The following IRF2BP2 variants were observed in gnomAD, a reference collection of about 807,000 sequenced individuals.
The protein encoded by IRF2BP2 is interferon regulatory factor 2 binding protein 2.
Under a neutral mutation model 32.7 loss-of-function variants are expected in IRF2BP2, and 13 were observed. The ratio of observed to expected loss-of-function variants is 0.40; its 90% CI spans 0.26 to 0.63. The LOEUF (loss-of-function observed/expected upper bound fraction) is 0.63. IRF2BP2 is among the 30% of genes least tolerant of loss of function. The probability of loss-of-function intolerance (pLI) is 0.42; values close to 1 mark genes in which losing one functional copy is unlikely to be tolerated. For synonymous variants in IRF2BP2, 555 were observed against 384.6 expected (o/e 1.44, Z -5.18); for missense variants, 980 against 830.6 (o/e 1.18, Z -2.21).
chr1:234,609,863 G>C lies in IRF2BP2; in HGVS notation c.-369C>G, dbSNP rs1258403543. On this transcript the variant is annotated 5_prime_UTR_variant, in exon 1 of 2. Transcript: ENST00000366609. Reference sequence around the variant, plus strand: ...ACCGGGGCGAAGACGGGCCGCGCGGGCGCGGGGGAGCGCAGCAGGTCGCGG... The same window carrying C: ...ACCGGGGCGAAGACGGGCCGCGCGGCCGCGGGGGAGCGCAGCAGGTCGCGG... Among the ~76,000 whole-genome samples the C allele has an allele frequency of 7.1e-6, 1 of 140,892 alleles. No homozygotes were observed. Among genetic ancestry groups the C allele is most frequent in the Non-Finnish European group, 1.6e-5 (1 of 63,660 alleles). 92.4% of individuals were successfully genotyped at this position (140,892 alleles called of 152,430 possible).
rs1446016956 is a variant in IRF2BP2 at position 234,609,328 on chromosome 1, G to A, written c.167C>T (p.Ala56Val). 1.3e-6 allele frequency: 2 copies of A among 1,522,728 alleles called. No individual in the cohort carries two copies. The highest frequency in any genetic ancestry group is 1.4e-5 in the African/African-American group (1 of 69,318). 94.3% of individuals were successfully genotyped at this position (1,522,728 alleles called of 1,614,324 possible). Reference protein sequence around the residue: ...ADRVEFVIETARQLKRAHGCF... With the variant: ...ADRVEFVIETVRQLKRAHGCF... ...GCCGTGCGCCCGCTTGAGCTGCCGC[G>A]CCGTCTCGATGACGAACTCGACGCG... is the stretch of plus-strand genomic sequence containing the variant. Residue 56 changes from alanine to valine, a missense_variant, in exon 1 of 2, where the codon GCG becomes GTG. Coordinates refer to ENST00000366609, the MANE Select transcript of IRF2BP2 (RefSeq NM_182972.3).
chr1:234,607,949 G>A, intron 1 of IRF2BP2, 97 bp from the exon 2 acceptor site: 4 of 943,886 alleles, frequency 4.2e-6, no homozygotes, highest in South Asian at 3.5e-5. Flanking sequence ...AGTCGTTACA[G>A]AATTCCTCCT....
At position 234,610,055 on chromosome 1, in the gene IRF2BP2, C is replaced by T. The variant is rs1488509965; in HGVS notation, c.-561G>A. Among the ~76,000 whole-genome samples, 1 of 147,096 alleles carries T rather than the reference C, an allele frequency of 6.8e-6. No individual in the cohort carries two copies. Among genetic ancestry groups the T allele is most frequent in the East Asian group, 2.0e-4 (1 of 5,064 alleles). On this transcript the variant is annotated 5_prime_UTR_variant, in exon 1 of 2. Transcript: ENST00000366609. Reference sequence around the variant, plus strand: ...GCGCGGCGCGGGCCCCGGGTCGCTCCGCCGCTCTCTCACAGCTCCTGGCGT... The same window carrying T: ...GCGCGGCGCGGGCCCCGGGTCGCTCTGCCGCTCTCTCACAGCTCCTGGCGT...
In IRF2BP2 at chr1:234,608,603, A is replaced by C. The variant is rs1672239994; in HGVS notation, c.892T>G (p.Trp298Gly). ...CGCACGGTCTTGGGCCTGTTGACCCAGTCCTGCTCTCCAGACCCGCGGCTC... is the reference window on the plus strand; with the variant it reads ...CGCACGGTCTTGGGCCTGTTGACCCCGTCCTGCTCTCCAGACCCGCGGCTC... The part of the protein sequence containing the change: ...GKSRGSGEQD[W>G]VNRPKTVRDT... Residue 298 changes from tryptophan to glycine, a missense_variant, in exon 1 of 2, where the codon TGG becomes GGG. By Grantham distance (184) the Trp-to-Gly change is radical (BLOSUM62 -2). Transcript: ENST00000366609. The C allele has an allele frequency of 6.3e-7, 1 of 1,592,800 alleles. No individual in the cohort carries two copies. The highest frequency in any genetic ancestry group is 1.7e-5 in the Admixed American group (1 of 58,148).
chr1:234,607,440 T>A lies in IRF2BP2; in HGVS notation c.1461A>T (p.Pro487=). Reference sequence around the variant, plus strand: ...AGTCCGGGAGGCTGGCAGGGTGCACTGGCTCCAGTCCTCCTGTGTTGCCTG... The same window carrying A: ...AGTCCGGGAGGCTGGCAGGGTGCACAGGCTCCAGTCCTCCTGTGTTGCCTG... ...QGAGNTGGLE[P]VHPASLPDSS... Residue 487 remains proline (P), a synonymous_variant, in exon 2 of 2, where the codon CCA becomes CCT. Transcript: ENST00000366609. 6.2e-7 allele frequency: 1 copy of A among 1,614,116 alleles called. No homozygotes were observed. Among genetic ancestry groups the A allele is most frequent in the Non-Finnish European group, 8.5e-7 (1 of 1,179,968 alleles).
At chr1:234,607,876 G>T (rs775330129) in intron 1 of IRF2BP2, 24 bp from the exon 2 acceptor site, 1 of 1,512,380 alleles carries the variant, frequency 6.6e-7, no homozygotes, top group Admixed American at 2.2e-5. Context: ...GAAATAAAAG[G>T]AAAAAGGTAA....
In IRF2BP2 at chr1:234,608,771, A is replaced by G. The variant is rs1292572073; in HGVS notation, c.724T>C (p.Ser242Pro). The change falls in exon 1 of 2, where the codon TCG (serine) becomes CCG (proline). Residue 242 changes from serine to proline, a missense_variant. Transcript: ENST00000366609. ...TCGTGCTCCACGGCAGCGCTGCTCG[A>G]CACGGATGCCGGCCGCTTGTGGGCG... ...LGAHKRPASV[S>P]SSAAVEHEQR... 3.4e-6 allele frequency: 5 copies of G among 1,459,698 alleles called. No homozygotes were observed. The East Asian group carries it at 1.2e-4, about 35-fold the overall frequency. 90.4% of individuals were successfully genotyped at this position (1,459,698 alleles called of 1,614,324 possible).
rs1344065498 is a variant in IRF2BP2, at chr1:234,608,433, A to G, written c.1048+14T>C. ...TTTCTCCCCTAGACCCCCTCACTTC[A>G]CAGCCGCCCCTACCTGCTTTAGACC... On this transcript the variant is annotated intron_variant, in intron 1 of 1. Coordinates refer to ENST00000366609, the MANE Select transcript of IRF2BP2 (RefSeq NM_182972.3). 2 of 1,494,496 alleles carry G rather than the reference A, an allele frequency of 1.3e-6. No individual in the cohort carries two copies. Among genetic ancestry groups the G allele is most frequent in the South Asian group, 1.3e-5 (1 of 75,440 alleles). The allele number at this position is 1,494,496 out of a possible 1,614,324, so 92.6% of individuals were successfully genotyped here.
In IRF2BP2 at chr1:234,607,501, C is replaced by T; in HGVS notation, c.1400G>A (p.Arg467Lys). ...SPPSPSSMNQ[R>K]RLGPREVGGQ... ...CCCCACCTCTCTGGGGCCCAGCCTT[C>T]TTTGGTTCATAGAGGACGGAGAGGG... Residue 467 changes from arginine to lysine, a missense_variant, in exon 2 of 2, where the codon AGA becomes AAA. By Grantham distance (26) the Arg-to-Lys change is conservative. Coordinates refer to ENST00000366609, the MANE Select transcript of IRF2BP2 (RefSeq NM_182972.3). 2 of 1,614,158 alleles carry T rather than the reference C, an allele frequency of 1.2e-6. No homozygotes were observed. The highest frequency in any genetic ancestry group is 4.5e-5 in the East Asian group (2 of 44,886).
chr1:234,608,423 C>G, intron 1 of IRF2BP2, 24 bp downstream of exon 1: 5 of 1,466,896 alleles, frequency 3.4e-6, no homozygotes, highest in Non-Finnish European at 4.5e-6. Flanking sequence ...CCCCTAGACC[C>G]CCTCACTTCA....
rs763550403 is a variant in IRF2BP2 at position 234,608,617 on chromosome 1, G to A, written c.878C>T (p.Ser293Phe). Residue 293 changes from serine to phenylalanine, a missense_variant, in exon 1 of 2, where the codon TCT (serine) becomes TTT (phenylalanine). Ser to Phe is a radical substitution (Grantham distance 155). Transcript: ENST00000366609. ...SAEGAGKSRG[S>F]GEQDWVNRPK... ...CCTGTTGACCCAGTCCTGCTCTCCA[G>A]ACCCGCGGCTCTTGCCCGCACCTTC... 1.3e-6 allele frequency: 2 copies of A among 1,579,174 alleles called. No individual in the cohort carries two copies. The highest frequency in any genetic ancestry group is 1.7e-6 in the Non-Finnish European group (2 of 1,165,374).
chr1:234,607,749 T>G lies in IRF2BP2; in HGVS notation c.1152A>C (p.Thr384=). ...GEAQPWLSTS[T]EGLKIPMTPT... is the part of the protein sequence containing the mutation. Reference sequence around the variant, plus strand: ...GAGTCATGGGGATCTTGAGCCCCTCTGTGGATGTGGACAGCCACGGCTGGG... The same window carrying G: ...GAGTCATGGGGATCTTGAGCCCCTCGGTGGATGTGGACAGCCACGGCTGGG... The change falls in exon 2 of 2, where the codon ACA becomes ACC. Residue 384 remains threonine, a synonymous_variant. Coordinates refer to ENST00000366609, the MANE Select transcript of IRF2BP2 (RefSeq NM_182972.3). 6.2e-7 allele frequency: 1 copy of G among 1,614,130 alleles called. No homozygotes were observed. The highest frequency in any genetic ancestry group is 8.5e-7 in the Non-Finnish European group (1 of 1,180,010).
chr1:234,609,547 C>G lies in IRF2BP2; in HGVS notation c.-53G>C, dbSNP rs1672284382. 9.0e-7 allele frequency: 1 copy of G among 1,109,982 alleles called. No individual in the cohort carries two copies. The highest frequency in any genetic ancestry group is 1.2e-6 in the Non-Finnish European group (1 of 842,824). The allele number at this position is 1,109,982 out of a possible 1,614,324, so 68.8% of individuals were successfully genotyped here. A position where few individuals can be genotyped will look rare whatever the true frequency, so the allele number is the denominator to read the frequency against. ...GGAGGCGGAGGAGGAGGAGGGGGCG[C>G]CGCCGCCGCCCCCCACCGGCACCAC... On this transcript the variant is annotated 5_prime_UTR_variant, in exon 1 of 2. Coordinates refer to ENST00000366609, the MANE Select transcript of IRF2BP2 (RefSeq NM_182972.3).
chr1:234,608,775 G>C lies in IRF2BP2; in HGVS notation c.720C>G (p.Ser240=). ...TDLGAHKRPA[S]VSSSAAVEHE... Reference sequence around the variant, plus strand: ...GCTCCACGGCAGCGCTGCTCGACACGGATGCCGGCCGCTTGTGGGCGCCCA... The same window carrying C: ...GCTCCACGGCAGCGCTGCTCGACACCGATGCCGGCCGCTTGTGGGCGCCCA... The change falls in exon 1 of 2, where the codon TCC becomes TCG. Residue 240 remains serine, a synonymous_variant. Coordinates refer to ENST00000366609, the MANE Select transcript of IRF2BP2 (RefSeq NM_182972.3). The C allele has an allele frequency of 6.9e-7, 1 of 1,450,108 alleles. No homozygotes were observed. The highest frequency in any genetic ancestry group is 9.0e-7 in the Non-Finnish European group (1 of 1,110,166). 89.8% of individuals were successfully genotyped at this position (1,450,108 alleles called of 1,614,324 possible). A position where few individuals can be genotyped will look rare whatever the true frequency, so the allele number is the denominator to read the frequency against.
rs1003584457 is a variant in IRF2BP2, at chr1:234,609,899, C to T, written c.-405G>A. On this transcript the variant is annotated 5_prime_UTR_variant, in exon 1 of 2. Coordinates refer to ENST00000366609, the MANE Select transcript of IRF2BP2 (RefSeq NM_182972.3). ...CGCAGCAGGTCGCGGCGGCGGCCGG[C>T]ACGGAGTGCGGGGCGGGGGGCGGGG... Among the ~76,000 whole-genome samples, 1 of 130,268 alleles carries T rather than the reference C, an allele frequency of 7.7e-6. No individual in the cohort carries two copies. Among genetic ancestry groups the T allele is most frequent in the African/African-American group, 2.8e-5 (1 of 35,664 alleles). 85.5% of individuals were successfully genotyped at this position (130,268 alleles called of 152,430 possible).
At position 234,608,763 on chromosome 1, in the gene IRF2BP2, G is replaced by A. The variant is rs1289041558; in HGVS notation, c.732C>T (p.Ser244=). 8 of 1,479,980 alleles carry A rather than the reference G, an allele frequency of 5.4e-6. No homozygotes were observed. Among genetic ancestry groups the A allele is most frequent in the Non-Finnish European group, 7.1e-6 (8 of 1,125,482 alleles). The allele number at this position is 1,479,980 out of a possible 1,614,324, so 91.7% of individuals were successfully genotyped here. The change falls in exon 1 of 2, where the codon AGC becomes AGT. Residue 244 remains serine, a synonymous_variant. Coordinates refer to ENST00000366609, the MANE Select transcript of IRF2BP2 (RefSeq NM_182972.3). The part of the protein sequence containing the change: ...AHKRPASVSS[S]AAVEHEQREA... Reference sequence around the variant, plus strand: ...CACGCTGCTCGTGCTCCACGGCAGCGCTGCTCGACACGGATGCCGGCCGCT... The same window carrying A: ...CACGCTGCTCGTGCTCCACGGCAGCACTGCTCGACACGGATGCCGGCCGCT...
chr1:234,609,917 G>A lies in IRF2BP2; in HGVS notation c.-423C>T, dbSNP rs1192489452. 4.9e-5 allele frequency among the ~76,000 whole-genome samples: 7 copies of A among 142,024 alleles called. No homozygotes were observed. The highest frequency in any genetic ancestry group is 1.8e-4 in the African/African-American group (7 of 39,718). 93.2% of individuals were successfully genotyped at this position (142,024 alleles called of 152,430 possible). On this transcript the variant is annotated 5_prime_UTR_variant, in exon 1 of 2. Coordinates refer to ENST00000366609, the MANE Select transcript of IRF2BP2 (RefSeq NM_182972.3). ...CGGCCGGCACGGAGTGCGGGGCGGG[G>A]GGCGGGGAGGCCGGGGGGGCAGGGG... is the stretch of plus-strand genomic sequence containing the variant.
In IRF2BP2 at chr1:234,608,870, C is replaced by G. The variant is rs1483863322; in HGVS notation, c.625G>C (p.Ala209Pro). 2 of 1,317,810 alleles carry G rather than the reference C, an allele frequency of 1.5e-6. No homozygotes were observed. Among genetic ancestry groups the G allele is most frequent in the South Asian group, 2.2e-5 (1 of 44,516 alleles). 81.6% of individuals were successfully genotyped at this position (1,317,810 alleles called of 1,614,324 possible). A position where few individuals can be genotyped will look rare whatever the true frequency, so the allele number is the denominator to read the frequency against. The change falls in exon 1 of 2, where the codon GCT (alanine) becomes CCT (proline). Residue 209 changes from alanine (A) to proline (P), a missense_variant. Physicochemically the swap from Ala to Pro is conservative, Grantham distance 27. Transcript: ENST00000366609. ...GACACCGCGGCTAAGGAGGCGGCAGCGCGGCCGCCGAGGCCGAGCGCGGTG... is the reference window on the plus strand; with the variant it reads ...GACACCGCGGCTAAGGAGGCGGCAGGGCGGCCGCCGAGGCCGAGCGCGGTG... ...LPTALGLGGRAAASLAAVSGT... is the reference protein window; with the variant it reads ...LPTALGLGGRPAASLAAVSGT...
chr1:234,608,590 G>A lies in IRF2BP2; in HGVS notation c.905C>T (p.Pro302Leu). The change falls in exon 1 of 2, where the codon CCC (proline) becomes CTC (leucine). Residue 302 changes from proline to leucine, a missense_variant. Transcript: ENST00000366609. ...GSGEQDWVNR[P>L]KTVRDTLLAL... ...CAGCAGCGTGTCGCGCACGGTCTTG[G>A]GCCTGTTGACCCAGTCCTGCTCTCC... The A allele has an allele frequency of 1.2e-6, 2 of 1,604,102 alleles. No homozygotes were observed. The highest frequency in any genetic ancestry group is 1.7e-6 in the Non-Finnish European group (2 of 1,176,472).
Sources: gnomAD v4.1 joint callset for allele counts (sites outside exome capture counted in the v4.1 genomes callset) on GRCh38, gnomAD v4.1.1 for gene constraint, MANE v1.5 for transcripts, NCBI Gene and HGNC (gene_info 2026-07-23, HGNC 2026-07-21) for gene names.